Variants in ZNF605 observed in about 807,000 individuals in gnomAD.
ZNF605 encodes zinc finger protein 605.
A neutral mutation model predicts 7.9 loss-of-function variants in ZNF605; 9 were observed. The observed-to-expected ratio is 1.14, with a 90% CI of 0.68 to 1.98. ZNF605 has a LOEUF of 1.98. ZNF605 is among the 30% of genes most tolerant of loss of function. ZNF605 has a pLI of 0.00. For missense variants in ZNF605, 673 were observed against 762.4 expected (o/e 0.88, Z 1.38); for synonymous variants, 255 against 260.1 (o/e 0.98, Z 0.19).
At chr12:132,942,247 T>A (rs1453292165) in intron 3 of ZNF605, among the ~76,000 whole-genome samples, 1 of 152,190 alleles carries the variant, frequency 6.6e-6, no homozygotes, top group Non-Finnish European at 1.5e-5. Context: ...GACCTGCTCC[T>A]AAAAGCTTTC....
intron 3 of ZNF605, among the ~76,000 whole-genome samples, chr12:132,940,450 C>T (rs1255794435): frequency 6.6e-6 from 1 of 152,232 alleles, no homozygotes; most frequent in Non-Finnish European, 1.5e-5. Context: ...GCCCTCCCCA[C>T]AACGGACGTG....
At chr12:132,937,535 A>C (rs1018359865) in intron 3 of ZNF605, among the ~76,000 whole-genome samples, 29 of 151,916 alleles carry the variant, frequency 1.9e-4, no homozygotes, top group South Asian at 2.1e-4. Flanking sequence ...ACACACACAC[A>C]CCCCTGACAA....
Position 132,925,375 on chromosome 12 carries a change from ATAT to A in ZNF605, c.1921_1923del (p.Ile641del). ...TGCATTCGCCAAAGTCATGATTTTTATATTATATGATTTCTCTGATGTATCATA... is the reference window on the plus strand; with the variant it reads ...TGCATTCGCCAAAGTCATGATTTTTATATATGATTTCTCTGATGTATCATA... On this transcript the variant is annotated inframe_deletion, in exon 5 of 5. Coordinates refer to ENST00000360187, the MANE Select transcript of ZNF605 (RefSeq NM_183238.4). 1 of 1,569,330 alleles carries A rather than the reference ATAT, an allele frequency of 6.4e-7. No homozygotes were observed. The highest frequency in any genetic ancestry group is 8.6e-7 in the Non-Finnish European group (1 of 1,158,388).
At chr12:132,938,011 C>T (rs1010725736) in intron 3 of ZNF605, among the ~76,000 whole-genome samples, 4 of 151,348 alleles carry the variant, frequency 2.6e-5, no homozygotes, top group African/African-American at 9.8e-5. Context: ...GAGGGAGTCT[C>T]GCTCTGTCGC....
rs1365683572 is a variant in ZNF605, at chr12:132,945,794, T to C, written c.-159A>G. 49 of 1,029,190 alleles carry C rather than the reference T, an allele frequency of 4.8e-5. No individual in the cohort carries two copies. The highest frequency in any genetic ancestry group is 6.5e-5 in the Non-Finnish European group (43 of 662,444). The allele number at this position is 1,029,190 out of a possible 1,614,324, so 63.8% of individuals were successfully genotyped here. ...TGAATTGTCTTGTTCCAGAGGGCTA[T>C]TGCCTGTGGATGCAGTGGACATTTT... On this transcript the variant is annotated 5_prime_UTR_variant, in exon 3 of 5. Transcript: ENST00000360187.
rs1952182272 is a variant in ZNF605, at chr12:132,919,228, G to T, written c.*6145C>A. 6.6e-6 allele frequency: 1 copy of T among 151,936 alleles called. No homozygotes were observed. The highest frequency in any genetic ancestry group is 1.5e-5 in the Non-Finnish European group (1 of 68,004). 9.4% of individuals were successfully genotyped at this position (151,936 alleles called of 1,614,324 possible). A position where few individuals can be genotyped will look rare whatever the true frequency, so the allele number is the denominator to read the frequency against. ...CTTTTAGTGATAGGAATGCTTACTT[G>T]CTTTATTAATTATTTTTGTGGAGAA... On this transcript the variant is annotated 3_prime_UTR_variant, in exon 5 of 5. Coordinates refer to ENST00000360187, the MANE Select transcript of ZNF605 (RefSeq NM_183238.4).
At chr12:132,935,486 T>G (rs1280858554) in intron 3 of ZNF605, among the ~76,000 whole-genome samples, 1 of 152,014 alleles carries the variant, frequency 6.6e-6, no homozygotes, top group African/African-American at 2.4e-5. Flanking sequence ...CATTCAGGCA[T>G]CCGGCAGAAT....
intron 2 of ZNF605, among the ~76,000 whole-genome samples, chr12:132,946,636 C>G (rs1952496733): frequency 6.6e-6 from 1 of 152,228 alleles, no homozygotes; most frequent in South Asian, 2.1e-4. Flanking sequence ...GGGGTAAAGG[C>G]TGCTGCTGTT....
At chr12:132,946,796 C>T (rs1200476603) in intron 2 of ZNF605, among the ~76,000 whole-genome samples, 1 of 152,184 alleles carries the variant, frequency 6.6e-6, no homozygotes, top group Non-Finnish European at 1.5e-5. Flanking sequence ...GGCCCCTGAG[C>T]GCCCCTCTGC....
At chr12:132,950,707 ACACACT>A (rs1952549827) in intron 1 of ZNF605, among the ~76,000 whole-genome samples, 1 of 149,838 alleles carries the variant, frequency 6.7e-6, no homozygotes, top group African/African-American at 2.5e-5. Flanking sequence ...AGACATGCAC[ACACACT>A]CACAGATATG....
chr12:132,938,443 G>A (rs1952390999), intron 3 of ZNF605, among the ~76,000 whole-genome samples: 1 of 152,016 alleles, frequency 6.6e-6, no homozygotes, highest in African/African-American at 2.4e-5. Context: ...TGGGATTACA[G>A]GCACACGCCA....
In ZNF605 at chr12:132,932,054, GCTGGCA is replaced by G. The variant is rs1952313601; in HGVS notation, c.136+975_136+980del. On this transcript the variant is annotated intron_variant, in intron 4 of 4. Coordinates refer to ENST00000360187, the MANE Select transcript of ZNF605 (RefSeq NM_183238.4). ...TCCTCCCACCTCAGCCTCCCAGGTA[GCTGGCA>G]CTAGAGGTGCACACCACCATATTTG... Among the ~76,000 whole-genome samples, 3 of 152,158 alleles carry G rather than the reference GCTGGCA, an allele frequency of 2.0e-5. No homozygotes were observed. In the South Asian group the frequency reaches 6.2e-4, roughly 32 times the overall value.
Position 132,934,909 on chromosome 12 carries a change from A to C in ZNF605, c.16-1754T>G, listed in dbSNP as rs1344960486. Among the ~76,000 whole-genome samples, 234 of 152,322 alleles carry C rather than the reference A, an allele frequency of 1.5e-3. 2 individuals carry two copies. The highest frequency in any genetic ancestry group is 1.0e-4 in the Non-Finnish European group (7 of 68,038). Reference sequence around the variant, plus strand: ...ACACTGGGTTAGGTGCTGTAAAGACAGTAAGGCTTAGAAAGGGTCTTTAGA... The same window carrying C: ...ACACTGGGTTAGGTGCTGTAAAGACCGTAAGGCTTAGAAAGGGTCTTTAGA... On this transcript the variant is annotated intron_variant, in intron 3 of 4. Coordinates refer to ENST00000360187, the MANE Select transcript of ZNF605 (RefSeq NM_183238.4).
chr12:132,935,937 T>C (rs1952361012), intron 3 of ZNF605, among the ~76,000 whole-genome samples: 1 of 147,678 alleles, frequency 6.8e-6, no homozygotes, highest in African/African-American at 2.5e-5. Context: ...GGTGGGTGCC[T>C]GTAGTCCCAG....
chr12:132,934,901 G>A (rs1463203766), intron 3 of ZNF605, among the ~76,000 whole-genome samples: 18 of 152,160 alleles, frequency 1.2e-4, no homozygotes, highest in African/African-American at 3.6e-4. Flanking sequence ...GTTAGGTGCT[G>A]TAAAGACAGT....
intron 2 of ZNF605, among the ~76,000 whole-genome samples, chr12:132,947,141 T>C (rs1312910977): frequency 2.0e-5 from 3 of 151,866 alleles, no homozygotes; most frequent in Admixed American, 1.3e-4. Flanking sequence ...GACTCCCAAG[T>C]AGCTGGGATT....
At chr12:132,949,557 G>A (rs1185172546) in intron 1 of ZNF605, among the ~76,000 whole-genome samples, 1 of 152,064 alleles carries the variant, frequency 6.6e-6, no homozygotes, top group African/African-American at 2.4e-5. Context: ...TGGTGTTGAG[G>A]CTGGTCCCCA....
chr12:132,945,139 T>C, intron 3 of ZNF605: 1 of 418,542 alleles, frequency 2.4e-6, no homozygotes, highest in Non-Finnish European at 4.3e-6. Flanking sequence ...AATTTTTGTA[T>C]TTTCAGTAGA....
At position 132,925,440 on chromosome 12, in the gene ZNF605, T is replaced by C. The variant is rs760105885; in HGVS notation, c.1859A>G (p.Asn620Ser). 3 of 1,613,824 alleles carry C rather than the reference T, an allele frequency of 1.9e-6. No individual in the cohort carries two copies. Among genetic ancestry groups the C allele is most frequent in the Non-Finnish European group, 2.5e-6 (3 of 1,179,876 alleles). ...CCTGTTGAAGGTGGTCCCACACTCA[T>C]TGCATCCATAGTATTTATCTCCTGT... is the stretch of plus-strand genomic sequence containing the variant. The part of the protein sequence containing the change: ...IHTGDKYYGC[N>S]ECGTTFNRKS... The change falls in exon 5 of 5, where the codon AAT becomes AGT. Residue 620 changes from asparagine (N) to serine (S), a missense_variant. Asn to Ser is a conservative substitution (Grantham distance 46). Transcript: ENST00000360187.
Sources: gnomAD v4.1 joint callset for allele counts (sites outside exome capture counted in the v4.1 genomes callset) on GRCh38, gnomAD v4.1.1 for gene constraint, MANE v1.5 for transcripts, NCBI Gene and HGNC (gene_info 2026-07-23, HGNC 2026-07-21) for gene names.